The following OPRL1 variants were observed in gnomAD, a reference collection of about 807,000 sequenced individuals.
The protein encoded by OPRL1 is nociceptin receptor.
Under a neutral mutation model 15.5 loss-of-function variants are expected in OPRL1, and 5 were observed. The observed-to-expected ratio is 0.32, with a 90% confidence interval of 0.17 to 0.68. The LOEUF is 0.68. OPRL1 is among the 30% of genes least tolerant of loss of function. OPRL1 has a pLI of 0.72. For missense variants in OPRL1, 406 were observed against 515.3 expected (o/e 0.79, Z 2.05); for synonymous variants, 223 against 230.2 (o/e 0.97, Z 0.28).
rs1473099104 is a variant in OPRL1 at position 64,080,087 on chromosome 20, C to T, written c.-450C>T. 6.7e-6 allele frequency: 1 copy of T among 149,728 alleles called. No homozygotes were observed. The highest frequency in any genetic ancestry group is 2.4e-5 in the African/African-American group (1 of 41,110). The allele number at this position is 149,728 out of a possible 1,614,324, so 9.3% of individuals were successfully genotyped here. ...CTCGGCCGGCTCCGCACCCCACCCG[C>T]CCCGCCCGCGCGTCGGCCCCCACAG... is the stretch of plus-strand genomic sequence containing the variant. On this transcript the variant is annotated 5_prime_UTR_variant, in exon 1 of 5. Transcript: ENST00000336866.
Position 64,097,616 on chromosome 20 carries a change from G to A in OPRL1, c.234-186G>A, listed in dbSNP as rs1979333369. On this transcript the variant is annotated intron_variant, in intron 3 of 4. Coordinates refer to ENST00000336866, the MANE Select transcript of OPRL1 (RefSeq NM_182647.4). The surrounding 1 kb of genome is among the most constrained non-coding windows in gnomAD (Gnocchi z 4.2). ...CGTTTGACCCCAGGCCCTACCCCCT[G>A]AGACTGACTCATGAGTCTCAGGTTG... is the stretch of plus-strand genomic sequence containing the variant. Among the ~76,000 whole-genome samples, 1 of 150,766 alleles carries A rather than the reference G, an allele frequency of 6.6e-6. No homozygotes were observed. The highest frequency in any genetic ancestry group is 2.4e-5 in the African/African-American group (1 of 41,292).
chr20:64,084,058 C>T, intron 1 of OPRL1: 1 of 1,498,860 alleles, frequency 6.7e-7, no homozygotes, highest in Admixed American at 2.2e-5. Flanking sequence ...GCGCAGGGAG[C>T]ATGGCCGCCA....
chr20:64,083,709 C>T lies in OPRL1; in HGVS notation c.-185+3357C>T. 7.3e-7 allele frequency: 1 copy of T among 1,378,214 alleles called. No homozygotes were observed. Among genetic ancestry groups the T allele is most frequent in the South Asian group, 1.7e-5 (1 of 59,560 alleles). The allele number at this position is 1,378,214 out of a possible 1,614,324, so 85.4% of individuals were successfully genotyped here. Reference sequence around the variant, plus strand: ...TGAGCAGCGCGATCTCCTCGGCCTGCGGGGCCCGGGTAGCTGAGCGCGCGC... The same window carrying T: ...TGAGCAGCGCGATCTCCTCGGCCTGTGGGGCCCGGGTAGCTGAGCGCGCGC... On this transcript the variant is annotated intron_variant, in intron 1 of 4. Coordinates refer to ENST00000336866, the MANE Select transcript of OPRL1 (RefSeq NM_182647.4). This position sits in a 1 kb window ranked among gnomAD's most constrained non-coding sequence, Gnocchi z 4.9.
At chr20:64,084,320 C>T in intron 1 of OPRL1, 1 of 1,292,056 alleles carries the variant, frequency 7.7e-7, no homozygotes, top group Non-Finnish European at 9.8e-7. Flanking sequence ...CCCCAGCTCC[C>T]GCCCGCTGGG....
chr20:64,092,762 C>CG lies in OPRL1; in HGVS notation c.44dup (p.Ser16GlnfsTer77). 1 of 1,612,728 alleles carries CG rather than the reference C, an allele frequency of 6.2e-7. No individual in the cohort carries two copies. The highest frequency in any genetic ancestry group is 1.1e-5 in the South Asian group (1 of 91,090). ...CCGCGCCGTTCTGGGAGGTTATCTACGGCAGCCACCTTCAGGGCAACCTGT... is the reference window on the plus strand; with the variant it reads ...CCGCGCCGTTCTGGGAGGTTATCTACGGGCAGCCACCTTCAGGGCAACCTGT... On this transcript the variant is annotated frameshift_variant, in exon 3 of 5. Transcript: ENST00000336866. LOFTEE classifies it high-confidence loss of function.
At chr20:64,095,930 A>G (rs993057923) in intron 3 of OPRL1, among the ~76,000 whole-genome samples, 4 of 152,002 alleles carry the variant, frequency 2.6e-5, no homozygotes, top group African/African-American at 9.7e-5. Context: ...AGCCACGTGT[A>G]TATGTATGTG....
intron 1 of OPRL1, among the ~76,000 whole-genome samples, chr20:64,082,336 G>A (rs904471763): frequency 6.6e-6 from 1 of 152,200 alleles, no homozygotes; most frequent in Non-Finnish European, 1.5e-5. Context: ...TCTGTATACA[G>A]TCTGGGCTTG....
rs1299337484 is a variant in OPRL1 at position 64,097,231 on chromosome 20, G to T, written c.234-571G>T. ...CCAGCCCTTTCCAGCACCATTTCAGGTGCTTGGATACACTCATACCTTATT... is the reference window on the plus strand; with the variant it reads ...CCAGCCCTTTCCAGCACCATTTCAGTTGCTTGGATACACTCATACCTTATT... On this transcript the variant is annotated intron_variant, in intron 3 of 4. Transcript: ENST00000336866. This position sits in a 1 kb window ranked among gnomAD's most constrained non-coding sequence, Gnocchi z 4.2. Among the ~76,000 whole-genome samples, 1 of 152,006 alleles carries T rather than the reference G, an allele frequency of 6.6e-6. No homozygotes were observed. Among genetic ancestry groups the T allele is most frequent in the East Asian group, 1.9e-4 (1 of 5,192 alleles).
In OPRL1 at chr20:64,090,439, C is replaced by T. The variant is rs924471058; in HGVS notation, c.-184-1527C>T. Among the ~76,000 whole-genome samples the T allele has an allele frequency of 3.3e-5, 5 of 152,338 alleles. No homozygotes were observed. Among genetic ancestry groups the T allele is most frequent in the South Asian group, 4.1e-4 (2 of 4,830 alleles). On this transcript the variant is annotated intron_variant, in intron 1 of 4. Coordinates refer to ENST00000336866, the MANE Select transcript of OPRL1 (RefSeq NM_182647.4). The surrounding 1 kb of genome is among the most constrained non-coding windows in gnomAD (Gnocchi z 4.9). ...CCTGATTTGCCAGGTATCCTAGCAA[C>T]GCTGCTGCCAGTTGCCTAGCAACCA... is the stretch of plus-strand genomic sequence containing the variant.
chr20:64,088,376 T>G (rs2060073354), intron 1 of OPRL1, among the ~76,000 whole-genome samples: 1 of 151,960 alleles, frequency 6.6e-6, no homozygotes. Flanking sequence ...GTGCAGGATC[T>G]TTGCAGTGGG....
In OPRL1 at chr20:64,097,778, C is replaced by T. The variant is rs1244886863; in HGVS notation, c.234-24C>T. On this transcript the variant is annotated intron_variant, in intron 3 of 4. Transcript: ENST00000336866. This position sits in a 1 kb window ranked among gnomAD's most constrained non-coding sequence, Gnocchi z 4.2. ...TCCAGCCAGCATGGCCAAGTGAAGC[C>T]TTTCTTCTCCCTCTACTCCGCAGGC... 2 of 1,598,778 alleles carry T rather than the reference C, an allele frequency of 1.3e-6. No individual in the cohort carries two copies. The highest frequency in any genetic ancestry group is 8.6e-7 in the Non-Finnish European group (1 of 1,168,976).
intron 3 of OPRL1, among the ~76,000 whole-genome samples, chr20:64,096,897 G>A (rs200367096): frequency 2.7e-3 from 5 of 1,868 alleles, no homozygotes; most frequent in East Asian, 0.012. Flanking sequence ...TCATCATCAC[G>A]ACCATCACCA....
chr20:64,092,422 C>G (rs994259917), intron 2 of OPRL1, among the ~76,000 whole-genome samples: 1 of 152,150 alleles, frequency 6.6e-6, no homozygotes, highest in Non-Finnish European at 1.5e-5. Flanking sequence ...AGTCTCTAAA[C>G]CAAATGGGAC....
rs1569278381 is a variant in OPRL1 at position 64,096,842 on chromosome 20, C to CCATCAT, written c.234-955_234-954insTCATCA. On this transcript the variant is annotated intron_variant, in intron 3 of 4. Transcript: ENST00000336866. Reference sequence around the variant, plus strand: ...ACCATCATCACCATCATCATCATGACCATCACCACCATCACCACTATCACC... The same window carrying CCATCAT: ...ACCATCATCACCATCATCATCATGACCATCATCATCACCACCATCACCACTATCACC... 7.6e-5 allele frequency among the ~76,000 whole-genome samples: 3 copies of CCATCAT among 39,216 alleles called. No individual in the cohort carries two copies. The Admixed American group carries it at 1.0e-3, about 13-fold the overall frequency. The allele number at this position is 39,216 out of a possible 152,430, so 25.7% of individuals were successfully genotyped here.
chr20:64,090,496 A>G lies in OPRL1; in HGVS notation c.-184-1470A>G, dbSNP rs1478296118. ...CACTCATGGAGAAGGTGCTCGGAGC[A>G]GGGTCTGAGCTGTGTGGGGAGAGGT... On this transcript the variant is annotated intron_variant, in intron 1 of 4. Coordinates refer to ENST00000336866, the MANE Select transcript of OPRL1 (RefSeq NM_182647.4). The surrounding 1 kb of genome is among the most constrained non-coding windows in gnomAD (Gnocchi z 4.9). Among the ~76,000 whole-genome samples, 3 of 152,222 alleles carry G rather than the reference A, an allele frequency of 2.0e-5. No individual in the cohort carries two copies. The highest frequency in any genetic ancestry group is 1.3e-4 in the Admixed American group (2 of 15,284).
rs758399744 is a variant in OPRL1, at chr20:64,092,705, T to C, written c.-16T>C. The C allele has an allele frequency of 6.2e-7, 1 of 1,608,818 alleles. No individual in the cohort carries two copies. The highest frequency in any genetic ancestry group is 8.5e-7 in the Non-Finnish European group (1 of 1,177,592). On this transcript the variant is annotated 5_prime_UTR_variant, in exon 3 of 5. Coordinates refer to ENST00000336866, the MANE Select transcript of OPRL1 (RefSeq NM_182647.4). ...TGTCCCAGGTACCGTACAGAGTGGA[T>C]TTGCAGGGCAGTGGCATGGAGCCCC...
Position 64,089,611 on chromosome 20 carries a change from G to A in OPRL1, c.-184-2355G>A, listed in dbSNP as rs2060100564. Among the ~76,000 whole-genome samples the A allele has an allele frequency of 6.6e-6, 1 of 151,910 alleles. No homozygotes were observed. Among genetic ancestry groups the A allele is most frequent in the African/African-American group, 2.4e-5 (1 of 41,340 alleles). ...CCCATCCCAACCCCTCATCCTCCCT[G>A]TCTCTGCCTGTAGGGAGGAAGCTGT... On this transcript the variant is annotated intron_variant, in intron 1 of 4. Transcript: ENST00000336866. This position sits in a 1 kb window ranked among gnomAD's most constrained non-coding sequence, Gnocchi z 5.5.
chr20:64,086,932 G>C (rs2145581010), intron 1 of OPRL1, among the ~76,000 whole-genome samples: 1 of 152,280 alleles, frequency 6.6e-6, no homozygotes, highest in East Asian at 1.9e-4. Flanking sequence ...GAGGACAAAA[G>C]ACAGTGTTCC....
intron 1 of OPRL1, among the ~76,000 whole-genome samples, chr20:64,086,949 C>T (rs1052084000): frequency 6.6e-6 from 1 of 152,130 alleles, no homozygotes; most frequent in Non-Finnish European, 1.5e-5. Context: ...TTCCAGCTGC[C>T]GTCTGGCGTT....
Sources: gnomAD v4.1 joint callset for allele counts (sites outside exome capture counted in the v4.1 genomes callset) on GRCh38, gnomAD v4.1.1 for gene constraint, Gnocchi (gnomAD v3.1) non-coding constraint, MANE v1.5 for transcripts, NCBI Gene and HGNC (gene_info 2026-07-23, HGNC 2026-07-21) for gene names.